BMP6: variants seen among roughly 807,000 people sequenced by gnomAD.
The protein encoded by BMP6 is VG-1-R.
In BMP6, 17 loss-of-function variants were observed where a neutral mutation model predicts 54.1. That is an observed-to-expected ratio of 0.31 (90% CI 0.22 to 0.47). The LOEUF (loss-of-function observed/expected upper bound fraction) is 0.47, where lower values mean the gene tolerates loss of function less well. Among genes scored for constraint, BMP6 ranks in the 20% least tolerant of loss-of-function variants. The pLI is 1.00. For synonymous variants in BMP6, 328 were observed against 291.2 expected (o/e 1.13, Z -1.28); for missense variants, 720 against 690.4 (o/e 1.04, Z -0.48).
chr6:7,758,646 C>T (rs1757562046), intron 1 of BMP6, among the ~76,000 whole-genome samples: 1 of 152,224 alleles, frequency 6.6e-6, no homozygotes, highest in Non-Finnish European at 1.5e-5. Context: ...AAGGGTGAAG[C>T]TTTAAGATGC....
intron 1 of BMP6, among the ~76,000 whole-genome samples, chr6:7,823,675 A>G (rs931535517): frequency 9.9e-5 from 15 of 152,160 alleles, no homozygotes; most frequent in African/African-American, 3.6e-4. Context: ...GAGATGTGAC[A>G]AGGGGAGAGA....
chr6:7,839,620 GGTA>G (rs1758933357), intron 1 of BMP6, among the ~76,000 whole-genome samples: 1 of 152,178 alleles, frequency 6.6e-6, no homozygotes, highest in African/African-American at 2.4e-5. Context: ...GGGTTCATGT[GGTA>G]CCATGTGTCA....
intron 1 of BMP6, among the ~76,000 whole-genome samples, chr6:7,807,469 C>CG (rs1222073801): frequency 6.6e-6 from 1 of 152,066 alleles, no homozygotes; most frequent in Non-Finnish European, 1.5e-5. Flanking sequence ...TTAGTAGAGA[C>CG]GGGGTTTCAC....
At chr6:7,879,941 T>C in intron 5 of BMP6, 50 bp from the exon 6 acceptor site, 5 of 1,538,036 alleles carry the variant, frequency 3.3e-6, no homozygotes, top group Non-Finnish European at 4.5e-6. Flanking sequence ...GCACAAATAG[T>C]GTGAGAAGTG....
At position 7,832,709 on chromosome 6, in the gene BMP6, A is replaced by G. The variant is rs549562201; in HGVS notation, c.665-12431A>G. On this transcript the variant is annotated intron_variant, in intron 1 of 6. Coordinates refer to ENST00000283147, the MANE Select transcript of BMP6 (RefSeq NM_001718.6). ...TAATTAGATATAAGAACACTGATGT[A>G]CCTACCCTTGTTTTATGGCTTTAAT... Among the ~76,000 whole-genome samples, 5 of 149,410 alleles carry G rather than the reference A, an allele frequency of 3.3e-5. No homozygotes were observed. The South Asian group carries it at 1.1e-3, about 33-fold the overall frequency.
At chr6:7,772,518 A>G (rs1238037352) in intron 1 of BMP6, among the ~76,000 whole-genome samples, 1 of 152,140 alleles carries the variant, frequency 6.6e-6, no homozygotes, top group African/African-American at 2.4e-5. Flanking sequence ...CCCAAACTCA[A>G]TGCCAGTTTG....
intron 1 of BMP6, among the ~76,000 whole-genome samples, chr6:7,822,776 A>G (rs1395721362): frequency 1.3e-5 from 2 of 152,160 alleles, no homozygotes; most frequent in African/African-American, 2.4e-5. Context: ...CAAAAACCTG[A>G]GTTCCAGAAG....
intron 1 of BMP6, among the ~76,000 whole-genome samples, chr6:7,789,418 A>T (rs1178132321): frequency 1.3e-5 from 2 of 152,244 alleles, no homozygotes; most frequent in Non-Finnish European, 2.9e-5. Context: ...TCAAAGAAAA[A>T]CATTTCCAAA....
intron 2 of BMP6, among the ~76,000 whole-genome samples, chr6:7,856,085 G>A (rs1169367296): frequency 1.6e-5 from 2 of 121,756 alleles, no homozygotes; most frequent in African/African-American, 6.1e-5. Context: ...TACCATGCTA[G>A]CCATTGGGTG....
At chr6:7,809,468 A>C (rs2113208763) in intron 1 of BMP6, among the ~76,000 whole-genome samples, 1 of 152,370 alleles carries the variant, frequency 6.6e-6, no homozygotes, top group South Asian at 2.1e-4. Flanking sequence ...TTGTAAAAAG[A>C]ATGCGTAGCA....
chr6:7,790,531 A>AG (rs1758081512), intron 1 of BMP6, among the ~76,000 whole-genome samples: 1 of 149,778 alleles, frequency 6.7e-6, no homozygotes, highest in Admixed American at 6.6e-5. Flanking sequence ...AAAAAAAAAA[A>AG]AAAAAAAAAA....
chr6:7,762,788 A>G (rs893056538), intron 1 of BMP6, among the ~76,000 whole-genome samples: 1 of 152,138 alleles, frequency 6.6e-6, no homozygotes, highest in African/African-American at 2.4e-5. Context: ...CAACATATTG[A>G]TTTTCTGTCC....
intron 1 of BMP6, among the ~76,000 whole-genome samples, chr6:7,823,144 C>G (rs1012503640): frequency 1.3e-5 from 2 of 152,114 alleles, no homozygotes; most frequent in African/African-American, 2.4e-5. Flanking sequence ...CAGTTACCAC[C>G]ACGACACGTC....
intron 1 of BMP6, among the ~76,000 whole-genome samples, chr6:7,799,576 A>G (rs1758239255): frequency 6.6e-6 from 1 of 152,196 alleles, no homozygotes; most frequent in South Asian, 2.1e-4. Context: ...CAGGCATCCT[A>G]TAAGATTAGA....
At chr6:7,779,209 A>G (rs1446460171) in intron 1 of BMP6, among the ~76,000 whole-genome samples, 4 of 152,204 alleles carry the variant, frequency 2.6e-5, no homozygotes, top group African/African-American at 9.7e-5. Flanking sequence ...CCAGTACGTT[A>G]TTGAAGTGTC....
At chr6:7,754,452 G>A (rs527734874) in intron 1 of BMP6, among the ~76,000 whole-genome samples, 1 of 152,034 alleles carries the variant, frequency 6.6e-6, no homozygotes, top group Non-Finnish European at 1.5e-5. Context: ...ATCAATTACT[G>A]GATGTTGAAA....
chr6:7,755,800 T>G (rs977096994), intron 1 of BMP6, among the ~76,000 whole-genome samples: 1 of 152,142 alleles, frequency 6.6e-6, no homozygotes, highest in Non-Finnish European at 1.5e-5. Flanking sequence ...TGGAAAGATA[T>G]TCACTGGGTC....
intron 1 of BMP6, among the ~76,000 whole-genome samples, chr6:7,780,986 C>T (rs1192866408): frequency 9.8e-5 from 15 of 152,316 alleles, no homozygotes; most frequent in Non-Finnish European, 1.9e-4. Context: ...GCTGGGATTA[C>T]AGGCATGAGC....
chr6:7,875,761 A>G (rs1005806034), intron 4 of BMP6, among the ~76,000 whole-genome samples: 1 of 152,238 alleles, frequency 6.6e-6, no homozygotes, highest in African/African-American at 2.4e-5. Flanking sequence ...TGCATGCAGT[A>G]GAAGCAGACT....
Sources: allele counts gnomAD v4.1 joint callset (sites outside exome capture counted in the v4.1 genomes callset), GRCh38; gene constraint gnomAD v4.1.1; transcripts MANE v1.5; gene names NCBI Gene and HGNC (gene_info 2026-07-23, HGNC 2026-07-21).